The following GRIK3 variants were observed in gnomAD, a reference collection of about 807,000 sequenced individuals.
The protein encoded by GRIK3 is glutamate receptor ionotropic, kainate 3.
In GRIK3, 29 loss-of-function variants were observed where a neutral mutation model predicts 102.5. The ratio of observed to expected loss-of-function variants is 0.28; its 90% CI spans 0.21 to 0.39. The LOEUF is 0.39. GRIK3 is among the 10% of genes least tolerant of loss of function. GRIK3 has a pLI of 1.00. For synonymous variants in GRIK3, 511 were observed against 504.9 expected, an observed-to-expected ratio of 1.01 and a Z score of -0.16; for missense variants, 908 against 1,252.4, an observed-to-expected ratio of 0.73 and a Z score of 4.15.
chr1:36,844,037 C>T (rs1196921594), intron 9 of GRIK3, among the ~76,000 whole-genome samples: 1 of 152,264 alleles, frequency 6.6e-6, no homozygotes, highest in Admixed American at 6.5e-5. Context: ...CCAGTAGCCT[C>T]CTGCTGGGCT....
chr1:36,844,470 G>A lies in GRIK3; in HGVS notation c.1327-2531C>T, dbSNP rs554871712. 3.5e-4 allele frequency among the ~76,000 whole-genome samples: 54 copies of A among 152,328 alleles called. 1 individual carries two copies. Among genetic ancestry groups the A allele is most frequent in the African/African-American group, 1.2e-3 (48 of 41,582 alleles). On this transcript the variant is annotated intron_variant, in intron 9 of 15. Coordinates refer to ENST00000373091, the MANE Select transcript of GRIK3 (RefSeq NM_000831.4). ...CCTGCACCCTGGCATGGGGCCTGGC[G>A]AGCAGGGTCTTTTGGTTGATGCTCT...
chr1:36,997,493 CT>C (rs1301215740), intron 1 of GRIK3, among the ~76,000 whole-genome samples: 2 of 152,212 alleles, frequency 1.3e-5, no homozygotes, highest in African/African-American at 4.8e-5. Flanking sequence ...GCTGGCCCCC[CT>C]ATACTCCATG....
At chr1:36,881,488 G>A (rs1024294546) in intron 2 of GRIK3, among the ~76,000 whole-genome samples, 1 of 152,116 alleles carries the variant, frequency 6.6e-6, no homozygotes, top group Non-Finnish European at 1.5e-5. Flanking sequence ...CCATGGTTCT[G>A]TCTTGATTCT....
intron 1 of GRIK3, among the ~76,000 whole-genome samples, chr1:36,935,542 C>G (rs1417045526): frequency 6.6e-6 from 1 of 151,716 alleles, no homozygotes; most frequent in East Asian, 1.9e-4. Flanking sequence ...TCCTCCCCTC[C>G]CCCATCTCTT....
chr1:36,940,627 G>A (rs1022169454), intron 1 of GRIK3, among the ~76,000 whole-genome samples: 1 of 152,214 alleles, frequency 6.6e-6, no homozygotes, highest in Non-Finnish European at 1.5e-5. Flanking sequence ...CTTGGGGCCT[G>A]CCTCCCGGGG....
rs1642362363 is a variant in GRIK3, at chr1:36,796,122, G to A, written c.*5729C>T. On this transcript the variant is annotated 3_prime_UTR_variant, in exon 16 of 16. Coordinates refer to ENST00000373091, the MANE Select transcript of GRIK3 (RefSeq NM_000831.4). ...CAGCCTGACGCCTGAGGCTGAAGCT[G>A]GGGCAGGCTGCTGACTGCACGGAAG... 1 of 152,332 alleles carries A rather than the reference G, an allele frequency of 6.6e-6. No homozygotes were observed. The highest frequency in any genetic ancestry group is 2.4e-5 in the African/African-American group (1 of 41,446). 9.4% of individuals were successfully genotyped at this position (152,332 alleles called of 1,614,324 possible). A position where few individuals can be genotyped will look rare whatever the true frequency, so the allele number is the denominator to read the frequency against.
chr1:36,926,216 A>G (rs1277701162), intron 1 of GRIK3, among the ~76,000 whole-genome samples: 1 of 152,180 alleles, frequency 6.6e-6, no homozygotes, highest in Non-Finnish European at 1.5e-5. Context: ...GGTCCTGACA[A>G]AAAGTTAGGC....
At chr1:37,019,230 C>G (rs1642684696) in intron 1 of GRIK3, among the ~76,000 whole-genome samples, 1 of 152,172 alleles carries the variant, frequency 6.6e-6, no homozygotes, top group South Asian at 2.1e-4. Context: ...AGACAGGGAA[C>G]TGGCCAAAGT....
At chr1:36,964,676 T>C (rs1471162832) in intron 1 of GRIK3, among the ~76,000 whole-genome samples, 1 of 152,156 alleles carries the variant, frequency 6.6e-6, no homozygotes, top group Non-Finnish European at 1.5e-5. Flanking sequence ...ATGCCCACAG[T>C]GAGTAACAGT....
intron 1 of GRIK3, among the ~76,000 whole-genome samples, chr1:37,030,904 G>A (rs1028061646): frequency 6.6e-6 from 1 of 152,152 alleles, no homozygotes; most frequent in Non-Finnish European, 1.5e-5. Flanking sequence ...AGGGAGAGGT[G>A]TGATTTGATG....
At chr1:36,944,971 G>A (rs572252536) in intron 1 of GRIK3, among the ~76,000 whole-genome samples, 13 of 152,348 alleles carry the variant, frequency 8.5e-5, no homozygotes, top group African/African-American at 3.1e-4. Context: ...GCCAGCTGCT[G>A]AGCCTGGTGG....
intron 2 of GRIK3, among the ~76,000 whole-genome samples, chr1:36,886,247 G>T (rs1032852454): frequency 6.6e-6 from 1 of 152,196 alleles, no homozygotes; most frequent in African/African-American, 2.4e-5. Context: ...CAGGGCAGGT[G>T]GTGCCAGGCT....
At chr1:36,966,824 C>A (rs1341713460) in intron 1 of GRIK3, among the ~76,000 whole-genome samples, 1 of 151,934 alleles carries the variant, frequency 6.6e-6, no homozygotes, top group East Asian at 1.9e-4. Context: ...AGGCTTAGAT[C>A]CTGAGAAGAA....
intron 13 of GRIK3, among the ~76,000 whole-genome samples, chr1:36,812,772 GT>G (rs1006120050): frequency 6.6e-6 from 1 of 152,050 alleles, no homozygotes; most frequent in Admixed American, 6.6e-5. Context: ...CAGTCAGGGC[GT>G]TTTTTTAAGA....
chr1:36,908,022 C>T (rs1641304399), intron 1 of GRIK3, among the ~76,000 whole-genome samples: 1 of 152,168 alleles, frequency 6.6e-6, no homozygotes, highest in Non-Finnish European at 1.5e-5. Flanking sequence ...TCCCTTGCTT[C>T]AGGGTGGGGA....
intron 1 of GRIK3, among the ~76,000 whole-genome samples, chr1:36,931,033 G>C (rs564471623): frequency 2.0e-5 from 3 of 152,294 alleles, no homozygotes; most frequent in Admixed American, 6.5e-5. Flanking sequence ...TAGGTGCGGG[G>C]CCTGCCTTTC....
At position 36,829,496 on chromosome 1, in the gene GRIK3, T is replaced by G. The variant is rs1642792410; in HGVS notation, c.1531-3670A>C. On this transcript the variant is annotated intron_variant, in intron 10 of 15. Coordinates refer to ENST00000373091, the MANE Select transcript of GRIK3 (RefSeq NM_000831.4). ...ATATTTATAGCAATCATGTCCTGAA[T>G]GACATCAAACCCTTGACTTGTGCAA... is the stretch of plus-strand genomic sequence containing the variant. Among the ~76,000 whole-genome samples, 3 of 152,128 alleles carry G rather than the reference T, an allele frequency of 2.0e-5. No individual in the cohort carries two copies. The South Asian group carries it at 6.2e-4, about 32-fold the overall frequency.
chr1:37,002,736 G>A (rs1642491665), intron 1 of GRIK3, among the ~76,000 whole-genome samples: 1 of 150,412 alleles, frequency 6.6e-6, no homozygotes, highest in Admixed American at 6.6e-5. Context: ...TGGAGTGCAG[G>A]GACACAATCT....
intron 1 of GRIK3, among the ~76,000 whole-genome samples, chr1:36,928,337 A>G (rs1641551499): frequency 6.6e-6 from 1 of 152,176 alleles, no homozygotes; most frequent in Non-Finnish European, 1.5e-5. Context: ...TCCACCCCAG[A>G]TTTCCAGGCC....
Sources: gnomAD v4.1 joint callset for allele counts (sites outside exome capture counted in the v4.1 genomes callset) on GRCh38, gnomAD v4.1.1 for gene constraint, MANE v1.5 for transcripts, NCBI Gene and HGNC (gene_info 2026-07-23, HGNC 2026-07-21) for gene names.